INPP4B: variants seen among roughly 807,000 people sequenced by gnomAD.
INPP4B encodes inositol polyphosphate 4-phosphatase type II.
INPP4B carries 55 observed loss-of-function variants against 122.5 expected under a neutral mutation model. The ratio of observed to expected loss-of-function variants is 0.45; its 90% CI spans 0.36 to 0.56. The LOEUF is 0.56. Among genes scored for constraint, INPP4B ranks in the 20% least tolerant of loss-of-function variants. The pLI is 0.00. For synonymous variants in INPP4B, 403 were observed against 388.7 expected (o/e 1.04, Z -0.43); for missense variants, 1,000 against 1,097.7 (o/e 0.91, Z 1.26).
intron 11 of INPP4B, among the ~76,000 whole-genome samples, chr4:142,243,248 A>T (rs1286482056): frequency 6.6e-6 from 1 of 152,220 alleles, no homozygotes; most frequent in East Asian, 1.9e-4. Context: ...AGTTTACCTA[A>T]AGGAGGAAGA....
chr4:142,231,444 T>C (rs1854328564), intron 12 of INPP4B, among the ~76,000 whole-genome samples: 1 of 152,238 alleles, frequency 6.6e-6, no homozygotes, highest in Non-Finnish European at 1.5e-5. Context: ...TGAAAGTTAA[T>C]AATATACTTT....
chr4:142,632,610 G>A lies in INPP4B; in HGVS notation c.-191+93229C>T, dbSNP rs968761238. On this transcript the variant is annotated intron_variant, in intron 2 of 25. Transcript: ENST00000262992. ...TGCGAATATCTACATAAATATCAAT[G>A]CTATAAAATACAAATAATAACTTTT... Among the ~76,000 whole-genome samples, 4 of 151,862 alleles carry A rather than the reference G, an allele frequency of 2.6e-5. No homozygotes were observed. The South Asian group carries it at 6.2e-4, about 24-fold the overall frequency.
chr4:142,752,506 C>A (rs1448069590), intron 1 of INPP4B, among the ~76,000 whole-genome samples: 3 of 151,988 alleles, frequency 2.0e-5, no homozygotes, highest in Admixed American at 2.0e-4. Flanking sequence ...AAGTGAACAC[C>A]CTGCTGGTTG....
chr4:142,048,511 C>T (rs1752769331), intron 25 of INPP4B, among the ~76,000 whole-genome samples: 1 of 151,612 alleles, frequency 6.6e-6, no homozygotes. Context: ...AAGATGACAA[C>T]ATTAAAAAAG....
At chr4:142,534,850 T>G (rs898077563) in intron 2 of INPP4B, among the ~76,000 whole-genome samples, 4 of 151,964 alleles carry the variant, frequency 2.6e-5, no homozygotes, top group African/African-American at 9.7e-5. Flanking sequence ...AAGAAGAAAA[T>G]CTGCATGTAT....
At chr4:142,428,379 A>C (rs1056475510) in intron 5 of INPP4B, among the ~76,000 whole-genome samples, 1 of 151,246 alleles carries the variant, frequency 6.6e-6, no homozygotes, top group Non-Finnish European at 1.5e-5. Flanking sequence ...TGTAAAACTT[A>C]GTTTAAAATA....
At chr4:142,382,279 C>T (rs941117708) in intron 7 of INPP4B, among the ~76,000 whole-genome samples, 3 of 151,784 alleles carry the variant, frequency 2.0e-5, no homozygotes, top group Non-Finnish European at 4.4e-5. Context: ...GAGGCCAAGG[C>T]GGGTGGATCA....
chr4:142,071,800 C>G (rs145727923), intron 25 of INPP4B, among the ~76,000 whole-genome samples: 3,778 of 152,254 alleles, frequency 0.025, 175 homozygotes, highest in African/African-American at 0.087. Flanking sequence ...CCATCTCACA[C>G]CAGTTACAAT....
At chr4:142,800,301 G>C (rs908541762) in intron 1 of INPP4B, among the ~76,000 whole-genome samples, 4 of 152,040 alleles carry the variant, frequency 2.6e-5, no homozygotes, top group African/African-American at 9.7e-5. Context: ...CACACTGCTT[G>C]TTTCATTTGT....
At chr4:142,208,858 C>T (rs1579293670) in intron 13 of INPP4B, 38 bp downstream of exon 13, 2 of 1,412,994 alleles carry the variant, frequency 1.4e-6, no homozygotes, top group Non-Finnish European at 9.4e-7. Flanking sequence ...GCAGGAAATG[C>T]AATTCACTTT....
intron 2 of INPP4B, among the ~76,000 whole-genome samples, chr4:142,673,141 CA>C (rs1410535757): frequency 1.3e-5 from 2 of 152,094 alleles, no homozygotes; most frequent in African/African-American, 4.8e-5. Context: ...CTAGTTAATA[CA>C]AAGTCTTAAA....
intron 11 of INPP4B, among the ~76,000 whole-genome samples, chr4:142,246,072 T>TAC (rs1444314019): frequency 7.4e-6 from 1 of 135,994 alleles, no homozygotes; most frequent in African/African-American, 3.3e-5. Context: ...TGTGTGTGTA[T>TAC]ACACACATTA....
At chr4:142,131,650 T>G (rs541095370) in intron 18 of INPP4B, among the ~76,000 whole-genome samples, 1 of 152,340 alleles carries the variant, frequency 6.6e-6, no homozygotes, top group East Asian at 1.9e-4. Context: ...TTAGGCCATT[T>G]CATTCAATAA....
chr4:142,595,129 G>A lies in INPP4B; in HGVS notation c.-191+130710C>T, dbSNP rs552696397. Among the ~76,000 whole-genome samples, 172 of 151,704 alleles carry A rather than the reference G, an allele frequency of 1.1e-3. 1 individual carries two copies. The highest frequency in any genetic ancestry group is 1.9e-3 in the Non-Finnish European group (128 of 67,912). Reference sequence around the variant, plus strand: ...TTACATAAAATGCCTATTTACGTAAGTTTTCTGTAATAGTGGAAATTACAT... The same window carrying A: ...TTACATAAAATGCCTATTTACGTAAATTTTCTGTAATAGTGGAAATTACAT... On this transcript the variant is annotated intron_variant, in intron 2 of 25. Coordinates refer to ENST00000262992, the MANE Select transcript of INPP4B (RefSeq NM_001101669.3).
intron 2 of INPP4B, among the ~76,000 whole-genome samples, chr4:142,610,546 C>G (rs1290724495): frequency 6.6e-6 from 1 of 152,038 alleles, no homozygotes; most frequent in Non-Finnish European, 1.5e-5. Flanking sequence ...TTTATTTTAA[C>G]AGCATATGCT....
chr4:142,576,728 C>T (rs1246166463), intron 2 of INPP4B, among the ~76,000 whole-genome samples: 1 of 151,924 alleles, frequency 6.6e-6, no homozygotes, highest in Non-Finnish European at 1.5e-5. Context: ...TCATCTGATC[C>T]CTCTACACCC....
chr4:142,094,151 C>A (rs905784404), intron 23 of INPP4B, among the ~76,000 whole-genome samples: 1 of 152,146 alleles, frequency 6.6e-6, no homozygotes, highest in Non-Finnish European at 1.5e-5. Flanking sequence ...GGCTCTCCAA[C>A]TCTAAACTCC....
At chr4:142,694,994 T>TG (rs1760825912) in intron 2 of INPP4B, among the ~76,000 whole-genome samples, 1 of 152,014 alleles carries the variant, frequency 6.6e-6, no homozygotes, top group South Asian at 2.1e-4. Flanking sequence ...GTGGTGGGGG[T>TG]AGGGGTATTA....
intron 1 of INPP4B, among the ~76,000 whole-genome samples, chr4:142,843,747 C>T (rs973935709): frequency 1.3e-5 from 2 of 152,002 alleles, no homozygotes; most frequent in Non-Finnish European, 2.9e-5. Flanking sequence ...AACTGCCACT[C>T]ATTTGGTTGC....
Sources: gnomAD v4.1 joint callset for allele counts (sites outside exome capture counted in the v4.1 genomes callset) on GRCh38, gnomAD v4.1.1 for gene constraint, MANE v1.5 for transcripts, NCBI Gene and HGNC (gene_info 2026-07-23, HGNC 2026-07-21) for gene names.